Variants in CROT observed in about 807,000 individuals in gnomAD.
The protein encoded by CROT is carnitine O-octanoyltransferase.
Under a neutral mutation model 89.2 loss-of-function variants are expected in CROT, and 84 were observed. The observed-to-expected ratio is 0.94, with a 90% confidence interval of 0.79 to 1.13. The LOEUF is 1.13. Ranked by LOEUF, CROT falls within the 50% of genes most tolerant of loss-of-function variation. The pLI, the probability that CROT is intolerant of heterozygous loss-of-function variation, is 0.00. For missense variants in CROT, 711 were observed against 727.8 expected, an observed-to-expected ratio of 0.98 and a Z score of 0.27; for synonymous variants, 212 against 239.5, an observed-to-expected ratio of 0.89 and a Z score of 1.06.
At chr7:87,377,984 TCA>T (rs901922119) in intron 10 of CROT, among the ~76,000 whole-genome samples, 2 of 152,106 alleles carry the variant, frequency 1.3e-5, no homozygotes, top group Admixed American at 6.6e-5. Flanking sequence ...ATGGACATCT[TCA>T]CTAGCTGTCT....
intron 13 of CROT, among the ~76,000 whole-genome samples, chr7:87,386,417 A>G (rs562735096): frequency 3.3e-5 from 5 of 152,258 alleles, no homozygotes; most frequent in African/African-American, 1.2e-4. Flanking sequence ...GAATTTATCC[A>G]TTCCTTCTAG....
rs771829502 is a variant in CROT, at chr7:87,381,973, C to T, written c.1042C>T (p.Gln348Ter). ...TTATTATGTGGATGAGAAAATTTTT[C>T]AGAATGAAGGAAGATGGAAGGTATG... Reference protein sequence around the residue: ...ISYYVDEKIFQNEGRWKGSEK... With the variant: ...ISYYVDEKIF The change falls in exon 11 of 18, where the codon CAG (glutamine) becomes TAG (stop). Residue 348 changes from glutamine to a stop codon, truncating the protein, a stop_gained. Coordinates refer to ENST00000331536, the MANE Select transcript of CROT (RefSeq NM_021151.4). LOFTEE classifies it high-confidence loss of function. 7 of 1,608,096 alleles carry T rather than the reference C, an allele frequency of 4.4e-6. No individual in the cohort carries two copies. The highest frequency in any genetic ancestry group is 5.1e-6 in the Non-Finnish European group (6 of 1,175,928).
At chr7:87,379,417 T>C (rs983307068) in intron 10 of CROT, among the ~76,000 whole-genome samples, 2 of 152,234 alleles carry the variant, frequency 1.3e-5, no homozygotes, top group Non-Finnish European at 2.9e-5. Context: ...TGTTATATTG[T>C]TATATAAGAG....
At chr7:87,368,735 T>C (rs1016616623) in intron 6 of CROT, among the ~76,000 whole-genome samples, 3 of 152,178 alleles carry the variant, frequency 2.0e-5, no homozygotes, top group Admixed American at 6.5e-5. Context: ...AGAAGATCCT[T>C]GGCAAAAGGA....
chr7:87,374,477 A>G (rs1806741959), intron 7 of CROT, among the ~76,000 whole-genome samples: 1 of 152,044 alleles, frequency 6.6e-6, no homozygotes, highest in Non-Finnish European at 1.5e-5. Context: ...CAAGTACCAT[A>G]TGGAGAGAAA....
At chr7:87,363,341 G>T (rs1277581616) in intron 6 of CROT, among the ~76,000 whole-genome samples, 2 of 152,284 alleles carry the variant, frequency 1.3e-5, no homozygotes, top group Non-Finnish European at 2.9e-5. Context: ...TATACAGAGA[G>T]TTCAAATAAG....
At position 87,359,295 on chromosome 7, in the gene CROT, A is replaced by T. The variant is rs750186723; in HGVS notation, c.205A>T (p.Lys69Ter). ...TGGGATTGGAGAAAAATTGCACCAG[A>T]AATTGCTTGAAAGAGCAAAAGGAAA... ...QSGIGEKLHQ[K>*]LLERAKGKRN... Residue 69 changes from lysine to a stop codon, truncating the protein, a stop_gained, in exon 4 of 18, where the codon AAA (lysine) becomes TAA (stop). Transcript: ENST00000331536. LOFTEE classifies it high-confidence loss of function. 6.2e-7 allele frequency: 1 copy of T among 1,602,026 alleles called. No homozygotes were observed. Among genetic ancestry groups the T allele is most frequent in the Non-Finnish European group, 8.5e-7 (1 of 1,170,384 alleles).
In CROT at chr7:87,360,208, G is replaced by T; in HGVS notation, c.240+878G>T. On this transcript the variant is annotated intron_variant, in intron 4 of 17. Transcript: ENST00000331536. ...ATCACTTTCTTCAAACAAGACTCCA[G>T]GTAATTTGATAAGATGTGCTTACTT... 7 of 592,178 alleles carry T rather than the reference G, an allele frequency of 1.2e-5. 1 individual carries two copies. The highest frequency in any genetic ancestry group is 1.5e-5 in the Non-Finnish European group (7 of 471,170). 36.7% of individuals were successfully genotyped at this position (592,178 alleles called of 1,614,324 possible). A position where few individuals can be genotyped will look rare whatever the true frequency, so the allele number is the denominator to read the frequency against.
At chr7:87,376,322 T>C (rs1806810290) in intron 9 of CROT, among the ~76,000 whole-genome samples, 1 of 152,102 alleles carries the variant, frequency 6.6e-6, no homozygotes, top group Non-Finnish European at 1.5e-5. Flanking sequence ...CCTGCACTAG[T>C]GTATCTTGAC....
chr7:87,391,590 C>G lies in CROT; in HGVS notation c.1303C>G (p.Pro435Ala). 1 of 1,588,364 alleles carries G rather than the reference C, an allele frequency of 6.3e-7. No individual in the cohort carries two copies. Among genetic ancestry groups the G allele is most frequent in the South Asian group, 1.2e-5 (1 of 85,510 alleles). ...QLAYYRLHGH[P>A]GCCYETAMTR... ...CACTCTTTTAATTTTTTCTTGTAGCCCTGGTTGTTGCTATGAAACAGCTAT... is the reference window on the plus strand; with the variant it reads ...CACTCTTTTAATTTTTTCTTGTAGCGCTGGTTGTTGCTATGAAACAGCTAT... The change falls in exon 14 of 18, where the codon CCT (proline) becomes GCT (alanine). Residue 435 changes from proline (P) to alanine (A), a missense_variant and splice_region_variant. Physicochemically the swap from Pro to Ala is conservative, Grantham distance 27. Transcript: ENST00000331536.
chr7:87,392,867 C>T (rs201163733), intron 16 of CROT, 44 bp downstream of exon 16: 50 of 1,609,526 alleles, frequency 3.1e-5, no homozygotes, highest in Middle Eastern at 1.7e-4. Flanking sequence ...TTGGCTTCCT[C>T]TTTTTGTATA....
At chr7:87,357,974 G>A (rs1806138251) in intron 3 of CROT, among the ~76,000 whole-genome samples, 1 of 152,116 alleles carries the variant, frequency 6.6e-6, no homozygotes, top group African/African-American at 2.4e-5. Flanking sequence ...TTCTTAATGT[G>A]GGTCATGACC....
chr7:87,393,323 A>C (rs997603675), intron 17 of CROT, among the ~76,000 whole-genome samples: 6 of 152,254 alleles, frequency 3.9e-5, no homozygotes, highest in African/African-American at 1.2e-4. Flanking sequence ...TCATATCATC[A>C]TCCTCAAAAT....
Position 87,372,932 on chromosome 7 carries a change from C to T in CROT, c.657-2700C>T, listed in dbSNP as rs187408511. Among the ~76,000 whole-genome samples, 160 of 152,052 alleles carry T rather than the reference C, an allele frequency of 1.1e-3. 1 individual carries two copies. The highest frequency in any genetic ancestry group is 3.6e-3 in the African/African-American group (151 of 41,506). ...AATAGTAAATTATTCATAATGCTGC[C>T]GTGACTATTGTATACAGGTTTTCAT... On this transcript the variant is annotated intron_variant, in intron 7 of 17. Transcript: ENST00000331536.
chr7:87,386,601 T>C (rs1376537473), intron 13 of CROT, among the ~76,000 whole-genome samples: 3 of 152,176 alleles, frequency 2.0e-5, no homozygotes, highest in Non-Finnish European at 4.4e-5. Flanking sequence ...GTCAAAAAAT[T>C]GACTTTTGGA....
intron 3 of CROT, among the ~76,000 whole-genome samples, chr7:87,350,901 C>T (rs1027639625): frequency 6.6e-6 from 1 of 152,046 alleles, no homozygotes; most frequent in African/African-American, 2.4e-5. Context: ...ATGGTATAGC[C>T]TAAAGTGGTG....
rs1805787500 is a variant in CROT at position 87,349,083 on chromosome 7, G to A, written c.15G>A (p.Leu5=). 1.5e-5 allele frequency: 24 copies of A among 1,596,032 alleles called. No homozygotes were observed. Among genetic ancestry groups the A allele is most frequent in the Non-Finnish European group, 1.9e-5 (22 of 1,167,594 alleles). Residue 5 remains leucine, a synonymous_variant, in exon 3 of 18, where the codon TTG becomes TTA. Transcript: ENST00000331536. MENQ[L]AKSTEERTFQ... is the part of the protein sequence containing the mutation. Reference sequence around the variant, plus strand: ...GTGATTTTATCATGGAAAATCAATTGGCTAAATCAACTGAAGAACGAACAT... The same window carrying A: ...GTGATTTTATCATGGAAAATCAATTAGCTAAATCAACTGAAGAACGAACAT...
chr7:87,381,323 T>C (rs1806994422), intron 10 of CROT, among the ~76,000 whole-genome samples: 1 of 152,206 alleles, frequency 6.6e-6, no homozygotes, highest in South Asian at 2.1e-4. Context: ...TTTCTTTCTC[T>C]AAATACACCT....
intron 4 of CROT, chr7:87,359,533 G>A (rs1806208943): frequency 1.5e-6 from 2 of 1,317,670 alleles, no homozygotes; most frequent in East Asian, 6.5e-5. Context: ...AGATTTGCTG[G>A]GATAAGTGAT....
Sources: gnomAD v4.1 joint callset for allele counts (sites outside exome capture counted in the v4.1 genomes callset) on GRCh38, gnomAD v4.1.1 for gene constraint, MANE v1.5 for transcripts, NCBI Gene and HGNC (gene_info 2026-07-23, HGNC 2026-07-21) for gene names.